Variants in FKBP10 observed in about 807,000 individuals in gnomAD.
FKBP10 encodes the protein peptidyl-prolyl cis-trans isomerase FKBP10.
In FKBP10, 34 loss-of-function variants were observed where a neutral mutation model predicts 53.7. The observed-to-expected ratio is 0.63, with a 90% CI of 0.48 to 0.84. The LOEUF (loss-of-function observed/expected upper bound fraction) is 0.84. FKBP10 is among the 40% of genes least tolerant of loss of function. FKBP10 has a pLI of 0.00. For missense variants in FKBP10, 748 were observed against 797.8 expected, an observed-to-expected ratio of 0.94 and a Z score of 0.75; for synonymous variants, 324 against 335.7, an observed-to-expected ratio of 0.97 and a Z score of 0.38.
At chr17:41,815,535 T>G (rs538938158) in intron 1 of FKBP10, among the ~76,000 whole-genome samples, 2 of 151,252 alleles carry the variant, frequency 1.3e-5, no homozygotes, top group African/African-American at 2.4e-5. Flanking sequence ...GCGCGATCTC[T>G]GCTCACTGCA....
rs1177650693 is a variant in FKBP10, at chr17:41,818,236, A to T, written c.539A>T (p.His180Leu). 1 of 1,613,460 alleles carries T rather than the reference A, an allele frequency of 6.2e-7. No individual in the cohort carries two copies. The highest frequency in any genetic ancestry group is 2.2e-5 in the East Asian group (1 of 44,886). Reference sequence around the variant, plus strand: ...CAGGACGGCGACTTTGTCCGCTACCACTACAATGGCACCCTGCTGGACGGC... The same window carrying T: ...CAGGACGGCGACTTTGTCCGCTACCTCTACAATGGCACCCTGCTGGACGGC... ...MVQDGDFVRYHYNGTLLDGTS... is the reference protein window; with the variant it reads ...MVQDGDFVRYLYNGTLLDGTS... The change falls in exon 3 of 10, where the codon CAC (histidine) becomes CTC (leucine). Residue 180 changes from histidine (H) to leucine (L), a missense_variant. Physicochemically the swap from His to Leu is moderately conservative, Grantham distance 99. Coordinates refer to ENST00000321562, the MANE Select transcript of FKBP10 (RefSeq NM_021939.4).
intron 1 of FKBP10, among the ~76,000 whole-genome samples, chr17:41,814,842 C>T (rs566102200): frequency 1.3e-5 from 2 of 152,330 alleles, no homozygotes; most frequent in East Asian, 3.9e-4. Context: ...AAGCAATTCT[C>T]CTGCTTCAGC....
rs1555617419 is a variant in FKBP10, at chr17:41,822,433, G to C, written c.*25G>C. ...AGGGGCAGGGAGCCTGGCCAGGCCT[G>C]AGACACAGAGGCCCACTGCGAGGGG... On this transcript the variant is annotated 3_prime_UTR_variant, in exon 10 of 10. Coordinates refer to ENST00000321562, the MANE Select transcript of FKBP10 (RefSeq NM_021939.4). 1.6e-5 allele frequency: 26 copies of C among 1,581,596 alleles called. No individual in the cohort carries two copies. Among genetic ancestry groups the C allele is most frequent in the Non-Finnish European group, 2.2e-5 (26 of 1,163,648 alleles).
intron 6 of FKBP10, chr17:41,819,890 TGGA>T: frequency 1.9e-6 from 3 of 1,543,172 alleles, no homozygotes; most frequent in Non-Finnish European, 2.6e-6. Flanking sequence ...CCTTCCGCAG[TGGA>T]GAAGGGCAGC....
At chr17:41,820,766 A>G in intron 7 of FKBP10, 181 bp from the exon 8 acceptor site, 3 of 858,682 alleles carry the variant, frequency 3.5e-6, no homozygotes, top group East Asian at 2.7e-5. Flanking sequence ...GGGCAGAGGC[A>G]AGATGAGAAG....
intron 6 of FKBP10, 96 bp downstream of exon 6, chr17:41,819,771 C>G (rs982143613): frequency 5.2e-6 from 8 of 1,545,586 alleles, no homozygotes; most frequent in African/African-American, 1.4e-5. Context: ...AGGCACCGCT[C>G]GGCCCCTCTC....
intron 7 of FKBP10, 76 bp from the exon 8 acceptor site, chr17:41,820,871 C>A (rs1597909317): frequency 1.2e-5 from 18 of 1,552,998 alleles, no homozygotes; most frequent in East Asian, 4.7e-5. Context: ...TTGTTCTGGG[C>A]CCACCTCAGA....
rs782441202 is a variant in FKBP10, at chr17:41,821,098, C to CT, written c.1399+10dup. Reference sequence around the variant, plus strand: ...CCACGGGGAGAGTGGAGGTGAGGGGCTGAGACCATAATCTTTTTTTTTTTT... The same window carrying CT: ...CCACGGGGAGAGTGGAGGTGAGGGGCTTGAGACCATAATCTTTTTTTTTTTT... On this transcript the variant is annotated intron_variant, in intron 8 of 9. Transcript: ENST00000321562. 66 of 627,228 alleles carry CT rather than the reference C, an allele frequency of 1.1e-4. No homozygotes were observed. In the African/African-American group the frequency reaches 1.3e-3, roughly 12 times the overall value. The allele number at this position is 627,228 out of a possible 1,614,324, so 38.9% of individuals were successfully genotyped here. A position where few individuals can be genotyped will look rare whatever the true frequency, so the allele number is the denominator to read the frequency against.
At chr17:41,820,821 G>A in intron 7 of FKBP10, 126 bp from the exon 8 acceptor site, 1 of 1,350,224 alleles carries the variant, frequency 7.4e-7, no homozygotes. Flanking sequence ...TCTGCTGCGT[G>A]GCCCAAGTCA....
chr17:41,814,883 C>A (rs1256669472), intron 1 of FKBP10, among the ~76,000 whole-genome samples: 2 of 152,138 alleles, frequency 1.3e-5, no homozygotes, highest in Non-Finnish European at 2.9e-5. Context: ...CAGGCGCATG[C>A]CACCACGCCC....
At position 41,819,288 on chromosome 17, in the gene FKBP10, A is replaced by G. The variant is rs1555616565; in HGVS notation, c.806A>G (p.Gln269Arg). 2.5e-6 allele frequency: 4 copies of G among 1,614,040 alleles called. No homozygotes were observed. The highest frequency in any genetic ancestry group is 3.4e-6 in the Non-Finnish European group (4 of 1,180,030). Residue 269 changes from glutamine to arginine, a missense_variant, in exon 5 of 10, where the codon CAG (glutamine) becomes CGG (arginine). By Grantham distance (43) the Gln-to-Arg change is conservative. Coordinates refer to ENST00000321562, the MANE Select transcript of FKBP10 (RefSeq NM_021939.4). ...GTGCACAACCCGAAGGACGCTGTCC[A>G]GCTAGAGACGCTGGAGCTCCCCCCC... is the stretch of plus-strand genomic sequence containing the variant. ...IDVHNPKDAV[Q>R]LETLELPPGC...
At position 41,818,547 on chromosome 17, in the gene FKBP10, CA is replaced by C. The variant is rs2047845812; in HGVS notation, c.727+22del. 2.5e-6 allele frequency: 4 copies of C among 1,613,830 alleles called. No individual in the cohort carries two copies. The highest frequency in any genetic ancestry group is 3.3e-5 in the Admixed American group (2 of 59,960). ...GCTATGGTGAGGGTGGGCAAGGACA[CA>C]AGGGGAAATTCCGCAGAAGAGGGAA... On this transcript the variant is annotated intron_variant, in intron 4 of 9. Transcript: ENST00000321562.
At chr17:41,819,768 G>A (rs782344128) in intron 6 of FKBP10, 93 bp downstream of exon 6, 146 of 1,546,066 alleles carry the variant, frequency 9.4e-5, no homozygotes, top group Middle Eastern at 2.0e-4. Context: ...TCCAGGCACC[G>A]CTCGGCCCCT....
Position 41,817,047 on chromosome 17 carries a change from T to TC in FKBP10, c.246-3dup, listed in dbSNP as rs781920419. 1.6e-4 allele frequency: 250 copies of TC among 1,608,076 alleles called. No homozygotes were observed. Among genetic ancestry groups the TC allele is most frequent in the Middle Eastern group, 1.3e-3 (8 of 6,042 alleles). ...GAGGTCACTGTATCCCATCTGTCCC[T>TC]CCCCCCCCAGCTATGATCGCAACAC... On this transcript the variant is annotated splice_polypyrimidine_tract_variant and intron_variant, in intron 1 of 9. Transcript: ENST00000321562.
At chr17:41,815,610 C>T (rs1357288158) in intron 1 of FKBP10, among the ~76,000 whole-genome samples, 6 of 151,574 alleles carry the variant, frequency 4.0e-5, no homozygotes, top group Non-Finnish European at 5.9e-5. Flanking sequence ...GGACTACAGG[C>T]GCCTCCACAA....
At chr17:41,813,737 G>T (rs777026256) in intron 1 of FKBP10, among the ~76,000 whole-genome samples, 1 of 152,094 alleles carries the variant, frequency 6.6e-6, no homozygotes, top group Non-Finnish European at 1.5e-5. Context: ...AGAGGGAATA[G>T]AACTTTTTTT....
chr17:41,816,985 G>GTGCGTGTGTGCAGGCACACCTT, intron 1 of FKBP10, 73 bp from the exon 2 acceptor site: 2 of 1,607,760 alleles, frequency 1.2e-6, no homozygotes, highest in Non-Finnish European at 8.5e-7. Flanking sequence ...AGGCACACCT[G>GTGCGTGTGTGCAGGCACACCTT]TGCATCTGTG....
chr17:41,816,565 G>A (rs1380418921), intron 1 of FKBP10, among the ~76,000 whole-genome samples: 1 of 152,140 alleles, frequency 6.6e-6, no homozygotes, highest in Admixed American at 6.5e-5. Context: ...CTACATATTA[G>A]CTGTGTGACC....
At position 41,820,979 on chromosome 17, in the gene FKBP10, T is replaced by C. The variant is rs1555616955; in HGVS notation, c.1289T>C (p.Leu430Pro). The change falls in exon 8 of 10, where the codon CTC becomes CCC. Residue 430 changes from leucine (L) to proline (P), a missense_variant. By Grantham distance (98) the Leu-to-Pro change is moderately conservative. Coordinates refer to ENST00000321562, the MANE Select transcript of FKBP10 (RefSeq NM_021939.4). ...HDYGAPQEAT[L>P]GANKVIEGLD... ...TACGGGGCCCCCCAGGAGGCGACTC[T>C]CGGGGCCAACAAGGTGATCGAAGGC... The C allele has an allele frequency of 6.2e-7, 1 of 1,611,940 alleles. No homozygotes were observed. Among genetic ancestry groups the C allele is most frequent in the Admixed American group, 1.7e-5 (1 of 59,804 alleles).
Sources: gnomAD v4.1 joint callset for allele counts (sites outside exome capture counted in the v4.1 genomes callset) on GRCh38, gnomAD v4.1.1 for gene constraint, MANE v1.5 for transcripts, NCBI Gene and HGNC (gene_info 2026-07-23, HGNC 2026-07-21) for gene names.